PTPN4: variants seen among roughly 807,000 people sequenced by gnomAD.
The protein encoded by PTPN4 is tyrosine-protein phosphatase non-receptor type 4.
A neutral mutation model predicts 135.5 loss-of-function variants in PTPN4; 49 were observed. That is an observed-to-expected ratio of 0.36 (90% CI 0.29 to 0.46). The LOEUF is 0.46. Among genes scored for constraint, PTPN4 ranks in the 20% least tolerant of loss-of-function variants. PTPN4 has a pLI of 1.00. For synonymous variants in PTPN4, 333 were observed against 369.9 expected (o/e 0.90, Z 1.14); for missense variants, 860 against 1,101.0 (o/e 0.78, Z 3.10).
At chr2:119,872,068 C>G (rs1263541011) in intron 3 of PTPN4, among the ~76,000 whole-genome samples, 1 of 152,062 alleles carries the variant, frequency 6.6e-6, no homozygotes, top group Non-Finnish European at 1.5e-5. Context: ...CCCACTAGTT[C>G]TCCAGTATTG....
intron 10 of PTPN4, among the ~76,000 whole-genome samples, chr2:119,905,970 AG>A (rs1218283816): frequency 6.6e-6 from 1 of 152,172 alleles, no homozygotes; most frequent in South Asian, 2.1e-4. Context: ...TTGCTAAGAG[AG>A]CTATTTATAG....
At chr2:119,940,008 G>A (rs956666302) in intron 15 of PTPN4, among the ~76,000 whole-genome samples, 107 of 152,294 alleles carry the variant, frequency 7.0e-4, no homozygotes, top group African/African-American at 2.4e-3. Flanking sequence ...GCTGCAGTAT[G>A]CTTACCTACC....
chr2:119,879,925 ACT>A (rs1678045858), intron 5 of PTPN4, among the ~76,000 whole-genome samples: 1 of 151,282 alleles, frequency 6.6e-6, no homozygotes, highest in African/African-American at 2.4e-5. Flanking sequence ...GAGAAAATAA[ACT>A]CTATGTAATA....
chr2:119,920,266 C>T, intron 12 of PTPN4, 25 bp downstream of exon 12: 1 of 1,556,608 alleles, frequency 6.4e-7, no homozygotes, highest in Non-Finnish European at 8.7e-7. Context: ...TGTGTTAAGG[C>T]TTTATTGTTG....
chr2:119,898,495 G>A (rs1363008018), intron 9 of PTPN4, among the ~76,000 whole-genome samples: 1 of 152,096 alleles, frequency 6.6e-6, no homozygotes, highest in Non-Finnish European at 1.5e-5. Flanking sequence ...CAATAATAGG[G>A]AGCCATTCAT....
At chr2:119,833,041 A>G (rs1459885602) in intron 2 of PTPN4, among the ~76,000 whole-genome samples, 7 of 152,174 alleles carry the variant, frequency 4.6e-5, no homozygotes, top group African/African-American at 1.4e-4. Flanking sequence ...TTTAATGGTT[A>G]TAGGTCTAAG....
intron 9 of PTPN4, among the ~76,000 whole-genome samples, chr2:119,895,583 G>A (rs1678309134): frequency 6.6e-6 from 1 of 152,006 alleles, no homozygotes; most frequent in South Asian, 2.1e-4. Flanking sequence ...AGGTTGCAGT[G>A]AGTCGAGATC....
chr2:119,812,449 T>C (rs189246113), intron 2 of PTPN4, among the ~76,000 whole-genome samples: 58 of 152,348 alleles, frequency 3.8e-4, no homozygotes, highest in African/African-American at 1.4e-3. Flanking sequence ...TGCCAAAGCC[T>C]GCTTTGTTTC....
At chr2:119,876,656 A>C (rs753539480) in intron 3 of PTPN4, among the ~76,000 whole-genome samples, 2 of 152,056 alleles carry the variant, frequency 1.3e-5, no homozygotes, top group South Asian at 2.1e-4. Flanking sequence ...ATTCAGTCCT[A>C]ATTGTCCAGA....
rs1679639312 is a variant in PTPN4, at chr2:119,977,785, G to C, written c.*715G>C. ...CCAAATCATGTGATTTCACATACTT[G>C]ATGTAAAGGAATGCATGCATTGTGT... On this transcript the variant is annotated 3_prime_UTR_variant, in exon 27 of 27. Coordinates refer to ENST00000263708, the MANE Select transcript of PTPN4 (RefSeq NM_002830.4). 6.6e-6 allele frequency: 1 copy of C among 152,102 alleles called. No homozygotes were observed. The highest frequency in any genetic ancestry group is 1.5e-5 in the Non-Finnish European group (1 of 68,010). 9.4% of individuals were successfully genotyped at this position (152,102 alleles called of 1,614,324 possible). A position where few individuals can be genotyped will look rare whatever the true frequency, so the allele number is the denominator to read the frequency against.
At chr2:119,943,263 G>A (rs1679085080) in intron 15 of PTPN4, among the ~76,000 whole-genome samples, 1 of 152,142 alleles carries the variant, frequency 6.6e-6, no homozygotes, top group Non-Finnish European at 1.5e-5. Context: ...TTTACTAGGT[G>A]TCTAGCAGCC....
rs1354955382 is a variant in PTPN4, at chr2:119,983,120, CTCT to C, written c.*6055_*6057del. ...GTTAAGTACTCAAGTACAAAGTGAT[CTCT>C]TCTTTCATGAACTTTGCTATAACTG... On this transcript the variant is annotated 3_prime_UTR_variant, in exon 27 of 27. Transcript: ENST00000263708. 4 of 152,192 alleles carry C rather than the reference CTCT, an allele frequency of 2.6e-5. No homozygotes were observed. Among genetic ancestry groups the C allele is most frequent in the Admixed American group, 1.3e-4 (2 of 15,276 alleles). The allele number at this position is 152,192 out of a possible 1,614,324, so 9.4% of individuals were successfully genotyped here.
intron 3 of PTPN4, among the ~76,000 whole-genome samples, chr2:119,876,383 C>A (rs1388753948): frequency 1.3e-5 from 2 of 152,106 alleles, no homozygotes; most frequent in Non-Finnish European, 2.9e-5. Flanking sequence ...ATTCTAGATA[C>A]AGTTTGCAGA....
chr2:119,767,413 T>A (rs1247676780), intron 1 of PTPN4, among the ~76,000 whole-genome samples: 2 of 152,244 alleles, frequency 1.3e-5, no homozygotes, highest in Admixed American at 6.5e-5. Context: ...AGTGTGTATT[T>A]AGCAAAACAG....
intron 1 of PTPN4, among the ~76,000 whole-genome samples, chr2:119,773,106 T>G (rs924717858): frequency 6.6e-6 from 1 of 152,228 alleles, no homozygotes; most frequent in African/African-American, 2.4e-5. Flanking sequence ...GAACATTTTT[T>G]CATGTTTATT....
At chr2:119,828,307 A>G (rs1310654584) in intron 2 of PTPN4, among the ~76,000 whole-genome samples, 1 of 152,234 alleles carries the variant, frequency 6.6e-6, no homozygotes, top group African/African-American at 2.4e-5. Flanking sequence ...GAGAACCGCC[A>G]TGTGGGCCCA....
intron 1 of PTPN4, among the ~76,000 whole-genome samples, chr2:119,768,888 CTG>C (rs1690686095): frequency 6.6e-6 from 1 of 152,176 alleles, no homozygotes; most frequent in Non-Finnish European, 1.5e-5. Flanking sequence ...TCAAAAAGGT[CTG>C]TGTCTTTAGG....
intron 3 of PTPN4, among the ~76,000 whole-genome samples, chr2:119,875,911 G>A (rs766893968): frequency 1.3e-5 from 2 of 152,156 alleles, no homozygotes; most frequent in African/African-American, 2.4e-5. Flanking sequence ...GGGATATAAT[G>A]TTCCTTACTT....
At chr2:119,819,022 C>A (rs1048783077) in intron 2 of PTPN4, among the ~76,000 whole-genome samples, 2 of 152,202 alleles carry the variant, frequency 1.3e-5, no homozygotes, top group Non-Finnish European at 2.9e-5. Context: ...AGGGCAATTT[C>A]ATGTGTATTT....
Sources: allele counts gnomAD v4.1 joint callset (sites outside exome capture counted in the v4.1 genomes callset), GRCh38; gene constraint gnomAD v4.1.1; transcripts MANE v1.5; gene names NCBI Gene and HGNC (gene_info 2026-07-23, HGNC 2026-07-21).